COPG2: variants seen among roughly 807,000 people sequenced by gnomAD.
COPG2 encodes the protein coatomer subunit gamma-2.
A neutral mutation model predicts 46.3 loss-of-function variants in COPG2; 37 were observed. The ratio of observed to expected loss-of-function variants is 0.80; its 90% CI spans 0.61 to 1.05. COPG2 has a LOEUF of 1.05. COPG2 is among the 50% of genes least tolerant of loss of function. COPG2 has a pLI of 0.00. For synonymous variants in COPG2, 159 were observed against 129.7 expected, an observed-to-expected ratio of 1.23 and a Z score of -1.53; for missense variants, 427 against 387.8, an observed-to-expected ratio of 1.10 and a Z score of -0.85.
At chr7:130,538,170 C>T (rs890836530) in intron 20 of COPG2, among the ~76,000 whole-genome samples, 162 of 152,072 alleles carry the variant, frequency 1.1e-3, no homozygotes, top group Non-Finnish European at 1.5e-3. Context: ...GCACGCAGGA[C>T]TGGATGTTGA....
intron 2 of COPG2, among the ~76,000 whole-genome samples, 180 bp downstream of exon 2, chr7:130,667,302 A>G (rs1303290359): frequency 6.6e-6 from 1 of 152,190 alleles, no homozygotes; most frequent in Non-Finnish European, 1.5e-5. Flanking sequence ...TTGCATTTCT[A>G]TAAGCTCCAA....
chr7:130,537,760 C>G (rs1033087787), intron 20 of COPG2, among the ~76,000 whole-genome samples: 1 of 152,200 alleles, frequency 6.6e-6, no homozygotes, highest in African/African-American at 2.4e-5. Flanking sequence ...AGAGAATCCT[C>G]CTTTTTGCCC....
chr7:130,600,339 C>T (rs964028485), intron 9 of COPG2, among the ~76,000 whole-genome samples: 2 of 152,204 alleles, frequency 1.3e-5, no homozygotes, highest in South Asian at 4.1e-4. Context: ...TGGCTCACCG[C>T]AACCTCCGCC....
intron 20 of COPG2, among the ~76,000 whole-genome samples, chr7:130,517,520 T>C (rs1799689412): frequency 6.6e-6 from 1 of 152,082 alleles, no homozygotes; most frequent in Non-Finnish European, 1.5e-5. Flanking sequence ...TTTAAGGGAG[T>C]TTTATTAAGA....
intron 20 of COPG2, chr7:130,509,681 G>A (rs781908290): frequency 1.9e-6 from 1 of 519,366 alleles, no homozygotes; most frequent in South Asian, 1.4e-5. Flanking sequence ...CAGACACTTG[G>A]ATAAAAAGAT....
rs1793523794 is a variant in COPG2, at chr7:130,550,628, C to T, written c.1670G>A (p.Gly557Glu). The T allele has an allele frequency of 2.5e-6, 1 of 397,762 alleles. No homozygotes were observed. The highest frequency in any genetic ancestry group is 4.4e-5 in the Admixed American group (1 of 22,684). The allele number at this position is 397,762 out of a possible 1,614,324, so 24.6% of individuals were successfully genotyped here. The change falls in exon 17 of 24, where the codon GGG (glycine) becomes GAG (glutamate). Residue 557 changes from glycine to glutamate, a missense_variant. Physicochemically the swap from Gly to Glu is moderately conservative, Grantham distance 98. Transcript: ENST00000425248. ...IFNGLTVSVP[G>E]MEKALHQYTL... ...GTACTGGTGTAAGGCTTTTTCCATC[C>T]CTGGTACAGAGACCGTCAAACCTGT... is the stretch of plus-strand genomic sequence containing the variant.
rs182036323 is a variant in COPG2, at chr7:130,591,813, C to G, written c.737+19140G>C. On this transcript the variant is annotated intron_variant, in intron 9 of 23. Coordinates refer to ENST00000425248, the MANE Select transcript of COPG2 (RefSeq NM_012133.6). ...CCCCCCGCCCGGCCAGCCGCCCCAT[C>G]CGGGAGGTGAGGGGCGCCTCTGTCC... is the stretch of plus-strand genomic sequence containing the variant. 5.6e-3 allele frequency among the ~76,000 whole-genome samples: 843 copies of G among 151,170 alleles called. 24 individuals carry two copies. Among genetic ancestry groups the G allele is most frequent in the Admixed American group, 0.052 (791 of 15,234 alleles).
chr7:130,506,586 C>G lies in COPG2; in HGVS notation c.*90G>C. On this transcript the variant is annotated 3_prime_UTR_variant, in exon 24 of 24. Coordinates refer to ENST00000425248, the MANE Select transcript of COPG2 (RefSeq NM_012133.6). ...TTGCTTCTCCAAAGTCATTCATCTTCAAAAGTCTGATTCTGGGAAACTGAT... is the reference window on the plus strand; with the variant it reads ...TTGCTTCTCCAAAGTCATTCATCTTGAAAAGTCTGATTCTGGGAAACTGAT... 1.9e-6 allele frequency: 1 copy of G among 531,920 alleles called. No individual in the cohort carries two copies. The highest frequency in any genetic ancestry group is 3.4e-6 in the Non-Finnish European group (1 of 293,394). The allele number at this position is 531,920 out of a possible 1,614,324, so 33.0% of individuals were successfully genotyped here. A position where few individuals can be genotyped will look rare whatever the true frequency, so the allele number is the denominator to read the frequency against.
intron 3 of COPG2, among the ~76,000 whole-genome samples, chr7:130,664,126 T>A (rs894572166): frequency 2.0e-5 from 3 of 152,290 alleles, no homozygotes; most frequent in Non-Finnish European, 4.4e-5. Context: ...ATAACGTATT[T>A]CAAAACATCT....
intron 9 of COPG2, among the ~76,000 whole-genome samples, chr7:130,586,444 G>A (rs1794271155): frequency 6.6e-6 from 1 of 151,936 alleles, no homozygotes; most frequent in Non-Finnish European, 1.5e-5. Context: ...AATACCACCT[G>A]TACCCCAATA....
chr7:130,530,689 C>G lies in COPG2; in HGVS notation c.2149+16985G>C, dbSNP rs921620589. Among the ~76,000 whole-genome samples the G allele has an allele frequency of 1.1e-3, 172 of 152,000 alleles. 1 individual carries two copies. The highest frequency in any genetic ancestry group is 2.0e-3 in the Non-Finnish European group (138 of 67,982). ...GAAGCAAGGAGAAGAAATGTGGACGCAAGGGGAAAGGCTTCAAGAAAGAAT... is the reference window on the plus strand; with the variant it reads ...GAAGCAAGGAGAAGAAATGTGGACGGAAGGGGAAAGGCTTCAAGAAAGAAT... On this transcript the variant is annotated intron_variant, in intron 20 of 23. Transcript: ENST00000425248.
intron 2 of COPG2, among the ~76,000 whole-genome samples, 162 bp downstream of exon 2, chr7:130,667,320 T>A (rs1047111029): frequency 6.6e-6 from 1 of 152,268 alleles, no homozygotes; most frequent in African/African-American, 2.4e-5. Context: ...CAAATTCTCC[T>A]GTGACAAGTA....
intron 6 of COPG2, among the ~76,000 whole-genome samples, chr7:130,614,823 G>T (rs1554452634): frequency 6.6e-6 from 1 of 152,198 alleles, no homozygotes; most frequent in Non-Finnish European, 1.5e-5. Context: ...GGAAGTTGAA[G>T]ATCTGGAAAT....
chr7:130,510,323 G>A, intron 20 of COPG2: 1 of 466,580 alleles, frequency 2.1e-6, no homozygotes, highest in Non-Finnish European at 4.2e-6. Context: ...AAGAACGACT[G>A]TGGTTTAATT....
intron 5 of COPG2, among the ~76,000 whole-genome samples, chr7:130,652,564 T>C (rs1222098915): frequency 2.6e-5 from 4 of 152,242 alleles, no homozygotes; most frequent in African/African-American, 4.8e-5. Context: ...ATGCTAGCCT[T>C]TGATGTATTT....
intron 8 of COPG2, 49 bp from the exon 9 acceptor site, chr7:130,611,159 A>C (rs1782883115): frequency 6.6e-7 from 1 of 1,513,888 alleles, no homozygotes. Context: ...AAGATGTCAA[A>C]ATATTTACAC....
At chr7:130,650,492 C>G (rs1554458918) in intron 5 of COPG2, among the ~76,000 whole-genome samples, 3 of 152,144 alleles carry the variant, frequency 2.0e-5, no homozygotes. Context: ...TTAAAATTTT[C>G]AAAATATTAG....
At chr7:130,614,919 C>A (rs1794921165) in intron 6 of COPG2, among the ~76,000 whole-genome samples, 1 of 152,178 alleles carries the variant, frequency 6.6e-6, no homozygotes, top group African/African-American at 2.4e-5. Context: ...GGAAAATCTT[C>A]ATTTACCCCA....
intron 19 of COPG2, 51 bp from the exon 20 acceptor site, chr7:130,547,896 C>T (rs1793470859): frequency 2.5e-6 from 1 of 398,372 alleles, no homozygotes; most frequent in Admixed American, 4.4e-5. Flanking sequence ...GTTATCCTTC[C>T]TACTCATAAC....
Sources: allele counts gnomAD v4.1 joint callset (sites outside exome capture counted in the v4.1 genomes callset), GRCh38; gene constraint gnomAD v4.1.1; transcripts MANE v1.5; gene names NCBI Gene and HGNC (gene_info 2026-07-23, HGNC 2026-07-21).